Variants in STEAP1B observed in about 807,000 individuals in gnomAD.
STEAP1B encodes the protein STEAP family protein MGC87042.
Under a neutral mutation model 27.9 loss-of-function variants are expected in STEAP1B, and 13 were observed. The ratio of observed to expected loss-of-function variants is 0.47; its 90% confidence interval spans 0.30 to 0.74. The LOEUF (loss-of-function observed/expected upper bound fraction) is 0.74, where lower values mean the gene tolerates loss of function less well. STEAP1B is among the 30% of genes least tolerant of loss of function. The probability of loss-of-function intolerance (pLI) is 0.06; values close to 1 mark genes in which losing one functional copy is unlikely to be tolerated. For missense variants in STEAP1B, 250 were observed against 298.7 expected, an observed-to-expected ratio of 0.84 and a Z score of 1.20; for synonymous variants, 86 against 107.1, an observed-to-expected ratio of 0.80 and a Z score of 1.22.
intron 4 of STEAP1B, among the ~76,000 whole-genome samples, chr7:22,439,390 A>G (rs1048140797): frequency 3.3e-5 from 5 of 152,228 alleles, no homozygotes; most frequent in African/African-American, 1.2e-4. Context: ...CTTTGCTATT[A>G]GAATCCTGAT....
intron 4 of STEAP1B, among the ~76,000 whole-genome samples, chr7:22,465,317 A>G (rs1562576722): frequency 1.3e-5 from 2 of 152,154 alleles, no homozygotes; most frequent in African/African-American, 2.4e-5. Context: ...GACCTTGGAT[A>G]AGCGAAACCA....
intron 4 of STEAP1B, among the ~76,000 whole-genome samples, chr7:22,425,956 A>C (rs1785100576): frequency 6.6e-6 from 1 of 152,218 alleles, no homozygotes. Flanking sequence ...GGAACCCTGG[A>C]GACTGTTATG....
At chr7:22,438,715 T>C in intron 4 of STEAP1B, 1 of 1,551,682 alleles carries the variant, frequency 6.4e-7, no homozygotes, top group Non-Finnish European at 8.7e-7. Context: ...TTTAGTGGCC[T>C]GAAAGTTGCA....
At chr7:22,454,834 T>C (rs1325632098) in intron 4 of STEAP1B, among the ~76,000 whole-genome samples, 1 of 60,782 alleles carries the variant, frequency 1.6e-5, no homozygotes, top group Non-Finnish European at 2.9e-5. Flanking sequence ...ATATTATATA[T>C]ATATATATAT....
intron 4 of STEAP1B, among the ~76,000 whole-genome samples, chr7:22,444,412 G>A (rs947311873): frequency 1.4e-5 from 2 of 141,970 alleles, no homozygotes; most frequent in Non-Finnish European, 1.5e-5. Flanking sequence ...TATTTTGCCT[G>A]TTTCCCTGTT....
chr7:22,497,852 G>A (rs1029805359), intron 1 of STEAP1B, among the ~76,000 whole-genome samples: 1 of 152,252 alleles, frequency 6.6e-6, no homozygotes, highest in African/African-American at 2.4e-5. Context: ...GGAAGGTGAA[G>A]TGGGAGCAGG....
chr7:22,482,329 TAA>T, intron 4 of STEAP1B, among the ~76,000 whole-genome samples: 1 of 152,318 alleles, frequency 6.6e-6, no homozygotes, highest in East Asian at 1.9e-4. Flanking sequence ...CTATTAAATT[TAA>T]GTTTTAGATA....
chr7:22,438,758 A>C (rs1342565462), intron 4 of STEAP1B: 22 of 1,543,318 alleles, frequency 1.4e-5, no homozygotes, highest in Non-Finnish European at 1.9e-5. Flanking sequence ...AGTATAGCCT[A>C]GAAAATGAAA....
At chr7:22,494,429 C>CTTTTT (rs5882846) in intron 2 of STEAP1B, among the ~76,000 whole-genome samples, 1 of 145,754 alleles carries the variant, frequency 6.9e-6, no homozygotes, top group African/African-American at 2.5e-5. Flanking sequence ...GCATTGATGA[C>CTTTTT]TTTTTTTTTT....
chr7:22,494,181 A>G (rs2128418360), intron 2 of STEAP1B, among the ~76,000 whole-genome samples: 1 of 148,208 alleles, frequency 6.7e-6, no homozygotes, highest in African/African-American at 2.5e-5. Context: ...ATTTCTGCTA[A>G]AACTTCCATT....
chr7:22,443,265 T>G (rs777751178), intron 4 of STEAP1B, among the ~76,000 whole-genome samples: 5 of 152,120 alleles, frequency 3.3e-5, no homozygotes, highest in Non-Finnish European at 7.3e-5. Context: ...CCAGAGAAAA[T>G]CCTAGTATCA....
At chr7:22,433,056 A>C (rs1785210409) in intron 4 of STEAP1B, among the ~76,000 whole-genome samples, 1 of 152,200 alleles carries the variant, frequency 6.6e-6, no homozygotes, top group Admixed American at 6.5e-5. Context: ...CAACTGGAAA[A>C]TGAAAAATAG....
At chr7:22,420,742 C>G (rs990660135) in intron 4 of STEAP1B, among the ~76,000 whole-genome samples, 2 of 152,250 alleles carry the variant, frequency 1.3e-5, no homozygotes, top group African/African-American at 4.8e-5. Flanking sequence ...TAAAGTTCTT[C>G]TCTTCCTGGG....
intron 4 of STEAP1B, among the ~76,000 whole-genome samples, chr7:22,475,185 G>A (rs1402345527): frequency 6.6e-6 from 1 of 152,132 alleles, no homozygotes; most frequent in Admixed American, 6.5e-5. Flanking sequence ...TTCCTATCCT[G>A]GCCTGCGTGT....
In STEAP1B at chr7:22,419,773, T is replaced by C. The variant is rs375964555; in HGVS notation, c.*31A>G. ...AATGCTGTGCTCCAAAGCCTCGTTC[T>C]CATTTCCTCTCATGTTACTGGCAGG... On this transcript the variant is annotated 3_prime_UTR_variant, in exon 5 of 5. Transcript: ENST00000678116. 1.3e-6 allele frequency: 2 copies of C among 1,547,928 alleles called. No homozygotes were observed. The highest frequency in any genetic ancestry group is 1.7e-6 in the Non-Finnish European group (2 of 1,145,004).
chr7:22,466,890 A>G (rs796562559), intron 4 of STEAP1B, among the ~76,000 whole-genome samples: 49 of 152,314 alleles, frequency 3.2e-4, no homozygotes, highest in African/African-American at 1.1e-3. Context: ...ATCTTGACCA[A>G]GTTACTTTGC....
At chr7:22,497,075 G>C (rs1348957007) in intron 1 of STEAP1B, among the ~76,000 whole-genome samples, 2 of 152,202 alleles carry the variant, frequency 1.3e-5, no homozygotes, top group Non-Finnish European at 2.9e-5. Flanking sequence ...GATTTTGGGA[G>C]ATTGTGCAAA....
chr7:22,440,337 T>C (rs1785314822), intron 4 of STEAP1B, among the ~76,000 whole-genome samples: 1 of 152,202 alleles, frequency 6.6e-6, no homozygotes, highest in Non-Finnish European at 1.5e-5. Context: ...GTCCTTCAAT[T>C]TTACAACATT....
chr7:22,427,550 A>G (rs760425780), intron 4 of STEAP1B, among the ~76,000 whole-genome samples: 1 of 152,248 alleles, frequency 6.6e-6, no homozygotes, highest in Non-Finnish European at 1.5e-5. Flanking sequence ...CTTTGACAGC[A>G]TCATGGAGCT....
Sources: allele counts gnomAD v4.1 joint callset (sites outside exome capture counted in the v4.1 genomes callset), GRCh38; gene constraint gnomAD v4.1.1; transcripts MANE v1.5; gene names NCBI Gene and HGNC (gene_info 2026-07-23, HGNC 2026-07-21).